The following RARS1 variants were observed in gnomAD, a reference collection of about 807,000 sequenced individuals.
The protein encoded by RARS1 is arginine--tRNA ligase, cytoplasmic.
In RARS1, 75 loss-of-function variants were observed where a neutral mutation model predicts 78.7. The ratio of observed to expected loss-of-function variants is 0.95; its 90% CI spans 0.79 to 1.15. The LOEUF is 1.15. Among genes scored for constraint, RARS1 ranks in the 50% most tolerant of loss-of-function variants. The probability of loss-of-function intolerance (pLI) is 0.00; values close to 1 mark genes in which losing one functional copy is unlikely to be tolerated. For synonymous variants in RARS1, 273 were observed against 268.2 expected (o/e 1.02, Z -0.18); for missense variants, 787 against 787.5 (o/e 1.00, Z 0.01).
chr5:168,518,507 T>C (rs759960849), intron 14 of RARS1, among the ~76,000 whole-genome samples: 11 of 152,056 alleles, frequency 7.2e-5, no homozygotes, highest in Non-Finnish European at 1.3e-4. Flanking sequence ...AAGAAAACAA[T>C]TGGAAGATGA....
At chr5:168,492,965 C>A in intron 3 of RARS1, 118 bp downstream of exon 3, 1 of 1,029,122 alleles carries the variant, frequency 9.7e-7, no homozygotes. Flanking sequence ...ACATTTGCCA[C>A]AGTTTGAAAA....
intron 9 of RARS1, among the ~76,000 whole-genome samples, chr5:168,503,699 C>G (rs567321231): frequency 2.0e-4 from 30 of 151,996 alleles, no homozygotes; most frequent in Admixed American, 1.3e-3. Context: ...TCAACCATAT[C>G]TCTATGGAAG....
intron 14 of RARS1, 34 bp downstream of exon 14, chr5:168,518,096 A>G (rs374715803): frequency 1.7e-5 from 13 of 767,146 alleles, no homozygotes; most frequent in Middle Eastern, 5.9e-4. Context: ...TTTTTTTTTT[A>G]GTGAGAGACA....
At chr5:168,490,648 G>A (rs1758063540) in intron 2 of RARS1, among the ~76,000 whole-genome samples, 1 of 152,172 alleles carries the variant, frequency 6.6e-6, no homozygotes, top group South Asian at 2.1e-4. Flanking sequence ...CATTCACCCT[G>A]TCGTTTTTCC....
Position 168,518,071 on chromosome 5 carries a change from C to CTT in RARS1, c.1873+32_1873+33dup, listed in dbSNP as rs747777615. 7,110 of 744,978 alleles carry CTT rather than the reference C, an allele frequency of 9.5e-3. 31 individuals carry two copies. The highest frequency in any genetic ancestry group is 0.021 in the Admixed American group (215 of 10,020). The allele number at this position is 744,978 out of a possible 1,614,324, so 46.1% of individuals were successfully genotyped here. A position where few individuals can be genotyped will look rare whatever the true frequency, so the allele number is the denominator to read the frequency against. ...GAAAGATAGACAGACTGGTGAGTGT[C>CTT]TTTTTTTTTTTTTTTTTTTTTTTTA... On this transcript the variant is annotated intron_variant, in intron 14 of 14. Transcript: ENST00000231572.
At chr5:168,501,231 T>A (rs1758313176) in intron 8 of RARS1, among the ~76,000 whole-genome samples, 1 of 152,210 alleles carries the variant, frequency 6.6e-6, no homozygotes, top group African/African-American at 2.4e-5. Context: ...AAAAGACGAT[T>A]AATGATGACT....
In RARS1 at chr5:168,519,065, T is replaced by C. The variant is rs918036880; in HGVS notation, c.1874-16T>C. On this transcript the variant is annotated splice_polypyrimidine_tract_variant and intron_variant, in intron 14 of 14. Coordinates refer to ENST00000231572, the MANE Select transcript of RARS1 (RefSeq NM_002887.4). ...AGGAAAACAAGTTAATTAACAACTTTTTTCTATCTTTTCAGGAAAAATATT... is the reference window on the plus strand; with the variant it reads ...AGGAAAACAAGTTAATTAACAACTTCTTTCTATCTTTTCAGGAAAAATATT... The C allele has an allele frequency of 1.9e-6, 3 of 1,590,890 alleles. No homozygotes were observed. Among genetic ancestry groups the C allele is most frequent in the Non-Finnish European group, 1.7e-6 (2 of 1,165,926 alleles).
chr5:168,489,812 CTTTT>C (rs35560247), intron 2 of RARS1, among the ~76,000 whole-genome samples: 4 of 130,316 alleles, frequency 3.1e-5, no homozygotes, highest in Admixed American at 8.3e-5. Context: ...CTCATATTAT[CTTTT>C]TTTTTTTTTT....
chr5:168,494,716 ATG>A, intron 5 of RARS1, 66 bp downstream of exon 5: 2 of 1,138,798 alleles, frequency 1.8e-6, no homozygotes, highest in Non-Finnish European at 2.6e-6. Flanking sequence ...GCATGGTGGT[ATG>A]TGCCTATAGT....
rs745860106 is a variant in RARS1, at chr5:168,492,652, C to T, written c.181-7C>T. 6.4e-6 allele frequency: 10 copies of T among 1,572,352 alleles called. No individual in the cohort carries two copies. The highest frequency in any genetic ancestry group is 1.3e-5 in the African/African-American group (1 of 74,288). On this transcript the variant is annotated splice_region_variant and splice_polypyrimidine_tract_variant and intron_variant, in intron 2 of 14. Coordinates refer to ENST00000231572, the MANE Select transcript of RARS1 (RefSeq NM_002887.4). ...ATTATTGACATGTTTCCATTCTTTT[C>T]CTACAGAGTCTTCAGGCAGAAAGGA...
chr5:168,489,812 CTTTTTTTTTTT>C, intron 2 of RARS1, among the ~76,000 whole-genome samples: 1 of 130,328 alleles, frequency 7.7e-6, no homozygotes, highest in South Asian at 2.5e-4. Context: ...CTCATATTAT[CTTTTTTTTTTT>C]TTTTTTTTGA....
intron 2 of RARS1, among the ~76,000 whole-genome samples, chr5:168,492,257 A>G (rs1758102282): frequency 6.6e-6 from 1 of 152,216 alleles, no homozygotes; most frequent in South Asian, 2.1e-4. Context: ...GAAGAGGTCA[A>G]CATTTTGATG....
At position 168,518,127 on chromosome 5, in the gene RARS1, G is replaced by C. The variant is rs941849401; in HGVS notation, c.1873+65G>C. The C allele has an allele frequency of 3.7e-6, 5 of 1,335,258 alleles. 1 individual carries two copies. The Admixed American group carries it at 1.9e-4, about 52-fold the overall frequency. The allele number at this position is 1,335,258 out of a possible 1,614,324, so 82.7% of individuals were successfully genotyped here. A position where few individuals can be genotyped will look rare whatever the true frequency, so the allele number is the denominator to read the frequency against. ...AGACACGGATCTTGCTCTGTCCCTTGGGCTGGAGTACGGTGGTGAAATCAT... is the reference window on the plus strand; with the variant it reads ...AGACACGGATCTTGCTCTGTCCCTTCGGCTGGAGTACGGTGGTGAAATCAT... On this transcript the variant is annotated intron_variant, in intron 14 of 14. Transcript: ENST00000231572.
At chr5:168,509,446 C>G (rs1758521234) in intron 11 of RARS1, among the ~76,000 whole-genome samples, 1 of 147,308 alleles carries the variant, frequency 6.8e-6, no homozygotes, top group Admixed American at 6.7e-5. Flanking sequence ...ACACCCCCCC[C>G]CCCCCACCAA....
intron 10 of RARS1, among the ~76,000 whole-genome samples, 165 bp downstream of exon 10, chr5:168,506,364 A>C (rs1758445838): frequency 6.6e-6 from 1 of 152,308 alleles, no homozygotes; most frequent in African/African-American, 2.4e-5. Context: ...GACCCAGCCA[A>C]ACTGGACACT....
chr5:168,495,129 G>A, intron 5 of RARS1, 186 bp from the exon 6 acceptor site: 1 of 975,834 alleles, frequency 1.0e-6, no homozygotes, highest in Non-Finnish European at 1.4e-6. Context: ...AAATATACAA[G>A]CAGATCCATC....
At chr5:168,489,611 C>G (rs1025716768) in intron 2 of RARS1, among the ~76,000 whole-genome samples, 2 of 152,026 alleles carry the variant, frequency 1.3e-5, no homozygotes, top group African/African-American at 4.8e-5. Context: ...AATGAACTTG[C>G]TGCAGTTTTT....
At chr5:168,487,807 G>T (rs1210186525) in intron 1 of RARS1, among the ~76,000 whole-genome samples, 4 of 152,176 alleles carry the variant, frequency 2.6e-5, no homozygotes, top group African/African-American at 7.2e-5. Context: ...ACAAAGCCTG[G>T]TCTGGTCTAG....
intron 12 of RARS1, among the ~76,000 whole-genome samples, chr5:168,511,203 T>A (rs1164049716): frequency 6.6e-6 from 1 of 151,940 alleles, no homozygotes; most frequent in Admixed American, 6.6e-5. Flanking sequence ...AAATTTTTTT[T>A]TTTTTTTTTT....
Sources: gnomAD v4.1 joint callset for allele counts (sites outside exome capture counted in the v4.1 genomes callset) on GRCh38, gnomAD v4.1.1 for gene constraint, MANE v1.5 for transcripts, NCBI Gene and HGNC (gene_info 2026-07-23, HGNC 2026-07-21) for gene names.